The following EFCAB6 variants were observed in gnomAD, a reference collection of about 807,000 sequenced individuals.
EFCAB6 encodes EF-hand calcium binding domain 6.
A neutral mutation model predicts 169.8 loss-of-function variants in EFCAB6; 156 were observed. That is an observed-to-expected ratio of 0.92 (90% CI 0.81 to 1.05). The LOEUF is 1.05. Among genes scored for constraint, EFCAB6 ranks in the 50% least tolerant of loss-of-function variants. The pLI, the probability that EFCAB6 is intolerant of heterozygous loss-of-function variation, is 0.00. For missense variants in EFCAB6, 1,800 were observed against 1,829.1 expected, an observed-to-expected ratio of 0.98 and a Z score of 0.29; for synonymous variants, 698 against 676.4, an observed-to-expected ratio of 1.03 and a Z score of -0.50.
intron 18 of EFCAB6, among the ~76,000 whole-genome samples, chr22:43,632,923 A>T (rs1326948708): frequency 6.6e-6 from 1 of 152,246 alleles, no homozygotes; most frequent in East Asian, 1.9e-4. Flanking sequence ...AAAGACAAGA[A>T]TATAGAATTC....
At chr22:43,625,802 T>C (rs985833654) in intron 20 of EFCAB6, among the ~76,000 whole-genome samples, 5 of 152,224 alleles carry the variant, frequency 3.3e-5, no homozygotes, top group Non-Finnish European at 5.9e-5. Flanking sequence ...GCTTAACATT[T>C]GGAGGTGAAG....
intron 2 of EFCAB6, chr22:43,802,640 A>G: frequency 2.0e-6 from 1 of 489,764 alleles, no homozygotes; most frequent in Admixed American, 2.1e-5. Context: ...AAGGGCCCCT[A>G]CAAAGAAGAG....
intron 12 of EFCAB6, among the ~76,000 whole-genome samples, chr22:43,682,824 A>C (rs1486616280): frequency 6.6e-6 from 1 of 152,256 alleles, no homozygotes; most frequent in African/African-American, 2.4e-5. Flanking sequence ...AGAGAGACCA[A>C]GTCACATAGG....
At chr22:43,810,177 C>T (rs550084045) in intron 1 of EFCAB6, among the ~76,000 whole-genome samples, 2 of 152,348 alleles carry the variant, frequency 1.3e-5, no homozygotes, top group South Asian at 4.1e-4. Flanking sequence ...CCACACCCAA[C>T]TTGTACTTTT....
chr22:43,690,961 A>G (rs1306067099), intron 10 of EFCAB6, among the ~76,000 whole-genome samples: 1 of 151,824 alleles, frequency 6.6e-6, no homozygotes, highest in African/African-American at 2.4e-5. Context: ...AGCACTTATT[A>G]TTTAAATATT....
In EFCAB6 at chr22:43,550,642, G is replaced by A. The variant is rs550993756; in HGVS notation, c.3648+4227C>T. On this transcript the variant is annotated intron_variant, in intron 27 of 31. Transcript: ENST00000262726. ...AGTCGAGTTTGCACCACTGCACTCC[G>A]ACCTGCATGACACAGTGAGACTCTG... Among the ~76,000 whole-genome samples, 3 of 147,052 alleles carry A rather than the reference G, an allele frequency of 2.0e-5. No individual in the cohort carries two copies. The South Asian group carries it at 6.5e-4, about 32-fold the overall frequency.
intron 27 of EFCAB6, chr22:43,540,642 T>C (rs2047661004): frequency 8.7e-7 from 1 of 1,149,000 alleles, no homozygotes; most frequent in South Asian, 1.6e-5. Flanking sequence ...TTAAATCTTG[T>C]GATTAGTCAC....
chr22:43,775,926 C>G (rs951569995), intron 3 of EFCAB6, among the ~76,000 whole-genome samples: 3 of 152,232 alleles, frequency 2.0e-5, no homozygotes, highest in Non-Finnish European at 2.9e-5. Flanking sequence ...ATCAGCCCAG[C>G]CTCTGCACCT....
chr22:43,677,001 G>C (rs916115100), intron 13 of EFCAB6, among the ~76,000 whole-genome samples: 2 of 152,100 alleles, frequency 1.3e-5, no homozygotes, highest in African/African-American at 4.8e-5. Context: ...GTTTGATTTT[G>C]ATTCATAGGG....
chr22:43,575,938 G>A (rs1343846405), intron 26 of EFCAB6, among the ~76,000 whole-genome samples: 2 of 152,100 alleles, frequency 1.3e-5, no homozygotes, highest in Non-Finnish European at 2.9e-5. Context: ...GTTTGCTGCT[G>A]TTATTATTAA....
chr22:43,734,419 T>A (rs1276086996), intron 7 of EFCAB6, among the ~76,000 whole-genome samples: 1 of 152,206 alleles, frequency 6.6e-6, no homozygotes, highest in Non-Finnish European at 1.5e-5. Flanking sequence ...TTTTTGAGGC[T>A]TAAAAAATCT....
intron 3 of EFCAB6, among the ~76,000 whole-genome samples, chr22:43,777,282 C>A (rs1603359762): frequency 1.3e-5 from 2 of 152,128 alleles, no homozygotes; most frequent in South Asian, 4.2e-4. Context: ...CAGAAAGGTC[C>A]GCGAGGCAAC....
chr22:43,643,934 C>T (rs1223060457), intron 17 of EFCAB6, among the ~76,000 whole-genome samples: 2 of 152,044 alleles, frequency 1.3e-5, no homozygotes, highest in Non-Finnish European at 2.9e-5. Flanking sequence ...CACCATTCTC[C>T]TGCCTCAGCC....
At chr22:43,648,894 G>A (rs2056321573) in intron 17 of EFCAB6, among the ~76,000 whole-genome samples, 1 of 152,162 alleles carries the variant, frequency 6.6e-6, no homozygotes. Context: ...TGATTTAGAT[G>A]CTAGAGATAG....
intron 2 of EFCAB6, among the ~76,000 whole-genome samples, chr22:43,783,079 T>C (rs368267980): frequency 1.3e-5 from 2 of 151,990 alleles, no homozygotes; most frequent in Non-Finnish European, 2.9e-5. Context: ...CCGGAACTTA[T>C]CATTATTTGA....
chr22:43,716,898 T>C lies in EFCAB6; in HGVS notation c.832A>G (p.Ile278Val). Residue 278 changes from isoleucine (I) to valine (V), a missense_variant, in exon 9 of 32, where the codon ATC becomes GTC. Transcript: ENST00000262726. ...TCATCCAAGGAGTAGTTTCTCCAGA[T>C]ATCTTCAGATGATGCAGAACCTAGC... ...RLLGSASSED[I>V]WRNYSLDEIE... 1 of 1,604,190 alleles carries C rather than the reference T, an allele frequency of 6.2e-7. No homozygotes were observed.
intron 17 of EFCAB6, among the ~76,000 whole-genome samples, chr22:43,652,124 G>A (rs1456106349): frequency 6.6e-6 from 1 of 152,166 alleles, no homozygotes; most frequent in African/African-American, 2.4e-5. Context: ...GGGGCAGAAT[G>A]ATATGGTTTA....
At chr22:43,645,196 C>T (rs919007988) in intron 17 of EFCAB6, among the ~76,000 whole-genome samples, 2 of 152,190 alleles carry the variant, frequency 1.3e-5, no homozygotes, top group African/African-American at 2.4e-5. Flanking sequence ...ACCTCCCTTC[C>T]CAATAAAAAT....
intron 20 of EFCAB6, among the ~76,000 whole-genome samples, chr22:43,616,320 T>TG (rs1254954520): frequency 1.3e-5 from 2 of 152,140 alleles, no homozygotes; most frequent in Admixed American, 1.3e-4. Context: ...TGAGAAACAT[T>TG]GGGGGAACTT....
Sources: gnomAD v4.1 joint callset for allele counts (sites outside exome capture counted in the v4.1 genomes callset) on GRCh38, gnomAD v4.1.1 for gene constraint, MANE v1.5 for transcripts, NCBI Gene and HGNC (gene_info 2026-07-23, HGNC 2026-07-21) for gene names.